TNN: variants seen among roughly 807,000 people sequenced by gnomAD.
The protein encoded by TNN is tenascin N.
Under a neutral mutation model 134.4 loss-of-function variants are expected in TNN, and 122 were observed. That is an observed-to-expected ratio of 0.91 (90% confidence interval 0.78 to 1.06). The LOEUF (loss-of-function observed/expected upper bound fraction) is 1.06. Among genes scored for constraint, TNN ranks in the 50% least tolerant of loss-of-function variants. The pLI, the probability that TNN is intolerant of heterozygous loss-of-function variation, is 0.00. For missense variants in TNN, 1,739 were observed against 1,699.4 expected, an observed-to-expected ratio of 1.02 and a Z score of -0.41; for synonymous variants, 710 against 670.3, an observed-to-expected ratio of 1.06 and a Z score of -0.91.
At chr1:175,071,309 G>A (rs1673909727) in intron 1 of TNN, among the ~76,000 whole-genome samples, 1 of 152,106 alleles carries the variant, frequency 6.6e-6, no homozygotes, top group South Asian at 2.1e-4. Context: ...GGGAAAATGA[G>A]GTGACACAGA....
At position 175,147,126 on chromosome 1, in the gene TNN, C is replaced by A; in HGVS notation, c.*55C>A. 1.7e-5 allele frequency: 25 copies of A among 1,433,860 alleles called. No homozygotes were observed. The highest frequency in any genetic ancestry group is 2.2e-5 in the Non-Finnish European group (24 of 1,080,556). 88.8% of individuals were successfully genotyped at this position (1,433,860 alleles called of 1,614,324 possible). On this transcript the variant is annotated 3_prime_UTR_variant, in exon 19 of 19. Coordinates refer to ENST00000239462, the MANE Select transcript of TNN (RefSeq NM_022093.2). ...CACCACCAGCTGTGGCAGCTTGGGG[C>A]GGGGTGGGTAGTGGTCACTGCGGTC...
chr1:175,144,395 C>T lies in TNN; in HGVS notation c.3604C>T (p.Leu1202Phe), dbSNP rs776556572. ...TCTCTTCTCTCCTGCAGGGGATGCT[C>T]TTACTTACCACAATGGATGGAAGTT... ...GKYRGTAGDA[L>F]TYHNGWKFTT... The change falls in exon 18 of 19, where the codon CTT becomes TTT. Residue 1202 changes from leucine (L) to phenylalanine (F), a missense_variant. Transcript: ENST00000239462. The T allele has an allele frequency of 1.2e-6, 2 of 1,614,042 alleles. No individual in the cohort carries two copies. Among genetic ancestry groups the T allele is most frequent in the Non-Finnish European group, 1.7e-6 (2 of 1,179,958 alleles).
At chr1:175,084,462 C>T (rs1674279622) in intron 5 of TNN, among the ~76,000 whole-genome samples, 1 of 152,148 alleles carries the variant, frequency 6.6e-6, no homozygotes, top group South Asian at 2.1e-4. Flanking sequence ...CAAATGGCTG[C>T]TAAGGAAACA....
intron 9 of TNN, among the ~76,000 whole-genome samples, chr1:175,115,633 G>A (rs1388314612): frequency 5.9e-5 from 9 of 152,090 alleles, no homozygotes; most frequent in African/African-American, 1.7e-4. Flanking sequence ...TACTCACCCC[G>A]AGAGCAAGAC....
chr1:175,079,057 A>C (rs980783470), intron 2 of TNN, among the ~76,000 whole-genome samples: 4 of 152,186 alleles, frequency 2.6e-5, no homozygotes, highest in African/African-American at 9.6e-5. Flanking sequence ...AAAGGAAAGA[A>C]GGGTGGGTCC....
Position 175,079,494 on chromosome 1 carries a change from C to A in TNN, c.571C>A (p.Pro191Thr). 1 of 1,562,516 alleles carries A rather than the reference C, an allele frequency of 6.4e-7. No homozygotes were observed. Among genetic ancestry groups the A allele is most frequent in the South Asian group, 1.2e-5 (1 of 85,992 alleles). Residue 191 changes from proline (P) to threonine (T), a missense_variant, in exon 3 of 19, where the codon CCC becomes ACC. Physicochemically the swap from Pro to Thr is conservative, Grantham distance 38. Coordinates refer to ENST00000239462, the MANE Select transcript of TNN (RefSeq NM_022093.2). ...CVDGRCLCHEPYVGADCGYPA... is the reference protein window; with the variant it reads ...CVDGRCLCHETYVGADCGYPA... ...GGACGGGCGCTGCCTGTGCCATGAG[C>A]CCTACGTGGGTGCCGACTGCGGCTA... is the stretch of plus-strand genomic sequence containing the variant.
chr1:175,080,557 C>G, intron 4 of TNN, 131 bp downstream of exon 4: 1 of 1,126,040 alleles, frequency 8.9e-7, no homozygotes, highest in Non-Finnish European at 1.3e-6. Context: ...ATCCTAGGTT[C>G]TGAAGAGTCC....
chr1:175,096,434 C>T (rs1215883576), intron 7 of TNN, among the ~76,000 whole-genome samples: 1 of 152,096 alleles, frequency 6.6e-6, no homozygotes, highest in Non-Finnish European at 1.5e-5. Flanking sequence ...ACTTTGCTCC[C>T]TAGGGTGAGT....
At chr1:175,097,775 C>T in intron 8 of TNN, 92 bp downstream of exon 8, 1 of 1,519,278 alleles carries the variant, frequency 6.6e-7, no homozygotes, top group Non-Finnish European at 8.9e-7. Flanking sequence ...AGCAGAAAGA[C>T]TTTGCAATTA....
At chr1:175,120,489 C>G (rs1330323335) in intron 11 of TNN, among the ~76,000 whole-genome samples, 1 of 152,192 alleles carries the variant, frequency 6.6e-6, no homozygotes, top group Admixed American at 6.5e-5. Context: ...AGCTCCTCGT[C>G]CAGGAGACCC....
chr1:175,103,528 A>G (rs2149434785), intron 9 of TNN, among the ~76,000 whole-genome samples: 1 of 144,870 alleles, frequency 6.9e-6, no homozygotes, highest in South Asian at 2.3e-4. Flanking sequence ...GGCTGGGTAG[A>G]TAGAAATTTA....
At chr1:175,090,960 T>G (rs1674431133) in intron 6 of TNN, among the ~76,000 whole-genome samples, 2 of 152,200 alleles carry the variant, frequency 1.3e-5, no homozygotes, top group Admixed American at 1.3e-4. Context: ...AGAGCCTGTC[T>G]TGTAGTAGAG....
At chr1:175,120,102 G>T (rs1675310547) in intron 11 of TNN, among the ~76,000 whole-genome samples, 1 of 152,206 alleles carries the variant, frequency 6.6e-6, no homozygotes, top group African/African-American at 2.4e-5. Context: ...GACGCTGTGT[G>T]ATAGAAAGGA....
chr1:175,135,831 A>T lies in TNN; in HGVS notation c.3331-14A>T. 1 of 1,604,944 alleles carries T rather than the reference A, an allele frequency of 6.2e-7. No individual in the cohort carries two copies. The highest frequency in any genetic ancestry group is 8.5e-7 in the Non-Finnish European group (1 of 1,171,788). On this transcript the variant is annotated splice_polypyrimidine_tract_variant and intron_variant, in intron 15 of 18. Coordinates refer to ENST00000239462, the MANE Select transcript of TNN (RefSeq NM_022093.2). Reference sequence around the variant, plus strand: ...TTTGGAGGGTCAGAGTGAAGTATTCATCTTCCTTCTCAGGTCTTCCAGAGG... The same window carrying T: ...TTTGGAGGGTCAGAGTGAAGTATTCTTCTTCCTTCTCAGGTCTTCCAGAGG...
rs760852580 is a variant in TNN at position 175,123,524 on chromosome 1, G to T, written c.2775G>T (p.Glu925Asp). 6.2e-7 allele frequency: 1 copy of T among 1,613,982 alleles called. No homozygotes were observed. Among genetic ancestry groups the T allele is most frequent in the Non-Finnish European group, 8.5e-7 (1 of 1,179,954 alleles). Residue 925 changes from glutamate (E) to aspartate (D), a missense_variant, in exon 12 of 19, where the codon GAG becomes GAT. Physicochemically the swap from Glu to Asp is conservative, Grantham distance 45. Coordinates refer to ENST00000239462, the MANE Select transcript of TNN (RefSeq NM_022093.2). Reference protein sequence around the residue: ...YMVRYTSADGETREVPVGKEH... With the variant: ...YMVRYTSADGDTREVPVGKEH... The stretch of plus-strand genomic sequence containing the variant: ...TGCGCTACACCTCTGCTGACGGAGA[G>T]ACCAGGGAGGTTCCGGTGGGGAAGG...
At chr1:175,085,142 G>A (rs1024725333) in intron 5 of TNN, among the ~76,000 whole-genome samples, 2 of 152,212 alleles carry the variant, frequency 1.3e-5, no homozygotes, top group Non-Finnish European at 2.9e-5. Context: ...AAGAACCAGA[G>A]AACATTTGAA....
In TNN at chr1:175,080,314, G is replaced by A. The variant is rs1213076269; in HGVS notation, c.936G>A (p.Glu312=). 1 of 1,614,114 alleles carries A rather than the reference G, an allele frequency of 6.2e-7. No homozygotes were observed. The highest frequency in any genetic ancestry group is 2.2e-5 in the East Asian group (1 of 44,862). ...GGAAGCAGATCCAAGTGCCCAAGGA[G>A]CAGCACAGCTATGAGATTCTTGGTT... The part of the protein sequence containing the change: ...LSGKQIQVPK[E]QHSYEILGLL... The change falls in exon 4 of 19, where the codon GAG becomes GAA. Residue 312 remains glutamate (E), a synonymous_variant. Transcript: ENST00000239462.
At position 175,079,233 on chromosome 1, in the gene TNN, G is replaced by A. The variant is rs977956586; in HGVS notation, c.410-100G>A. On this transcript the variant is annotated intron_variant, in intron 2 of 18. Coordinates refer to ENST00000239462, the MANE Select transcript of TNN (RefSeq NM_022093.2). ...AGAAATCACCAGACCCTTAAGAGTG[G>A]GGCTAATGATTTCTGGGTCTTGCAT... 1.2e-5 allele frequency: 17 copies of A among 1,388,538 alleles called. No homozygotes were observed. The Admixed American group carries it at 3.0e-4, about 24-fold the overall frequency. The allele number at this position is 1,388,538 out of a possible 1,614,324, so 86.0% of individuals were successfully genotyped here. A position where few individuals can be genotyped will look rare whatever the true frequency, so the allele number is the denominator to read the frequency against.
At chr1:175,108,217 C>G (rs971372997) in intron 9 of TNN, among the ~76,000 whole-genome samples, 1 of 150,564 alleles carries the variant, frequency 6.6e-6, no homozygotes, top group Non-Finnish European at 1.5e-5. Flanking sequence ...TTTACAATCC[C>G]TGAGCTAGAC....
Sources: allele counts gnomAD v4.1 joint callset (sites outside exome capture counted in the v4.1 genomes callset), GRCh38; gene constraint gnomAD v4.1.1; transcripts MANE v1.5; gene names NCBI Gene and HGNC (gene_info 2026-07-23, HGNC 2026-07-21).